CHLSN: variants seen among roughly 807,000 people sequenced by gnomAD.
CHLSN encodes protein cholesin.
the CHLSN span, among the ~76,000 whole-genome samples, chr7:1,105,016 A>G: frequency 6.6e-6 from 1 of 152,246 alleles, no homozygotes; most frequent in Non-Finnish European, 1.5e-5. Context: ...TAATCGCAGT[A>G]GAAGAGAGGG....
At chr7:1,136,359 CATATATATAAAT>C in the CHLSN span, among the ~76,000 whole-genome samples, 248 of 29,192 alleles carry the variant, frequency 8.5e-3, 4 homozygotes, top group Middle Eastern at 0.042. Flanking sequence ...TATATATAAA[CATATATATAAAT>C]ATATATAAAT....
the CHLSN span, among the ~76,000 whole-genome samples, chr7:1,054,404 C>A: frequency 1.3e-5 from 2 of 152,214 alleles, no homozygotes; most frequent in East Asian, 1.9e-4. Context: ...AACAAAAATG[C>A]ACACAGGAGA....
the CHLSN span, among the ~76,000 whole-genome samples, chr7:1,111,690 T>C: frequency 6.6e-6 from 1 of 152,094 alleles, no homozygotes; most frequent in Admixed American, 6.6e-5. Flanking sequence ...TGGTCCCAGC[T>C]ACTTGGGAGG....
the CHLSN span, chr7:1,091,652 C>A: frequency 9.2e-7 from 1 of 1,084,450 alleles, no homozygotes; most frequent in Non-Finnish European, 1.3e-6. Context: ...ACGCTTCTTT[C>A]TAAAGATGGA....
At chr7:1,036,581 G>A in the CHLSN span, among the ~76,000 whole-genome samples, 1 of 152,142 alleles carries the variant, frequency 6.6e-6, no homozygotes, top group African/African-American at 2.4e-5. Flanking sequence ...GATAATGGGG[G>A]AGGCCGTGCA....
At chr7:1,014,816 C>G in the CHLSN span, among the ~76,000 whole-genome samples, 1 of 142,808 alleles carries the variant, frequency 7.0e-6, no homozygotes, top group Non-Finnish European at 1.5e-5. Flanking sequence ...CCGGCCACGG[C>G]AGCGTTCCGG....
At chr7:1,001,865 G>A in the CHLSN span, among the ~76,000 whole-genome samples, 5 of 108,954 alleles carry the variant, frequency 4.6e-5, no homozygotes, top group East Asian at 1.6e-3. Flanking sequence ...GTGGAGTCCT[G>A]TGGGTGGGGA....
chr7:1,058,117 T>C, the CHLSN span: 1 of 761,470 alleles, frequency 1.3e-6, no homozygotes, highest in Non-Finnish European at 2.4e-6. Flanking sequence ...GTGCCAGCAC[T>C]GGCCACCCTC....
the CHLSN span, among the ~76,000 whole-genome samples, chr7:1,022,691 A>G: frequency 6.6e-6 from 1 of 152,270 alleles, no homozygotes; most frequent in African/African-American, 2.4e-5. Flanking sequence ...ACAGGGGATT[A>G]ATTTACTCTT....
chr7:1,092,661 C>T, the CHLSN span: 29 of 1,613,064 alleles, frequency 1.8e-5, no homozygotes, highest in Middle Eastern at 4.9e-4. Flanking sequence ...TTGTCAACCT[C>T]GCCGCCTTCT....
At chr7:1,136,972 C>T in the CHLSN span, among the ~76,000 whole-genome samples, 1 of 152,154 alleles carries the variant, frequency 6.6e-6, no homozygotes, top group African/African-American at 2.4e-5. Flanking sequence ...GGTACCCAGT[C>T]CAAGCCACCA....
At chr7:1,057,384 T>C in the CHLSN span, 3 of 602,974 alleles carry the variant, frequency 5.0e-6, no homozygotes, top group Non-Finnish European at 8.9e-6. Flanking sequence ...CGCTCTGTGG[T>C]CTGCAGCGAT....
the CHLSN span, among the ~76,000 whole-genome samples, chr7:1,004,837 T>C: frequency 6.6e-6 from 1 of 152,132 alleles, no homozygotes; most frequent in African/African-American, 2.4e-5. Flanking sequence ...AAGAGAGCAG[T>C]CAGAGGGAAG....
the CHLSN span, among the ~76,000 whole-genome samples, chr7:1,047,902 G>A: frequency 1.3e-5 from 2 of 152,206 alleles, no homozygotes; most frequent in African/African-American, 2.4e-5. Flanking sequence ...AGCCTTTTAC[G>A]TCACTGAATA....
chr7:1,092,923 A>T, the CHLSN span: 1 of 1,431,984 alleles, frequency 7.0e-7, no homozygotes, highest in African/African-American at 1.4e-5. Context: ...GGTGGACACA[A>T]GGCACGGCCA....
the CHLSN span, among the ~76,000 whole-genome samples, chr7:1,072,267 C>T: frequency 2.0e-5 from 3 of 152,322 alleles, no homozygotes; most frequent in South Asian, 6.2e-4. Context: ...TCTCGCCACT[C>T]CCCATCTGCA....
the CHLSN span, among the ~76,000 whole-genome samples, chr7:1,118,862 T>A: frequency 6.6e-6 from 1 of 151,366 alleles, no homozygotes; most frequent in African/African-American, 2.4e-5. Context: ...CATATTTTTT[T>A]TTAAAAAAAC....
chr7:992,019 G>C, the CHLSN span, among the ~76,000 whole-genome samples: 1 of 152,292 alleles, frequency 6.6e-6, no homozygotes, highest in African/African-American at 2.4e-5. Flanking sequence ...CGCGAGCCCA[G>C]CTTCCTCACG....
the CHLSN span, chr7:1,080,848 G>A: frequency 6.6e-5 from 10 of 152,330 alleles, no homozygotes. Flanking sequence ...GAAGCTCTCA[G>A]TGAGAGAGGG....
Sources: gnomAD v4.1 joint callset for allele counts (sites outside exome capture counted in the v4.1 genomes callset) on GRCh38, gnomAD v4.1.1 for gene constraint, MANE v1.5 for transcripts, NCBI Gene and HGNC (gene_info 2026-07-23, HGNC 2026-07-21) for gene names.